ANO9: variants seen among roughly 807,000 people sequenced by gnomAD.
ANO9 encodes anoctamin-9.
Under a neutral mutation model 100.5 loss-of-function variants are expected in ANO9, and 80 were observed. That is an observed-to-expected ratio of 0.80 (90% CI 0.66 to 0.96). The LOEUF (loss-of-function observed/expected upper bound fraction) is 0.96. Ranked by LOEUF, ANO9 falls within the 40% of genes least tolerant of loss-of-function variation. The probability of loss-of-function intolerance (pLI) is 0.00; values close to 1 mark genes in which losing one functional copy is unlikely to be tolerated. For missense variants in ANO9, 1,064 were observed against 1,072.7 expected (o/e 0.99, Z 0.11); for synonymous variants, 473 against 435.6 (o/e 1.09, Z -1.07).
intron 15 of ANO9, among the ~76,000 whole-genome samples, chr11:425,096 G>A (rs1236769042): frequency 0.011 from 15 of 1,404 alleles, 1 homozygote; most frequent in Non-Finnish European, 0.011. Flanking sequence ...AAAAGGCGGC[G>A]TGGAGAGACG....
At chr11:428,252 G>T (rs367837067) in intron 14 of ANO9, 53 bp from the exon 15 acceptor site, 27 of 1,607,750 alleles carry the variant, frequency 1.7e-5, no homozygotes, top group African/African-American at 1.5e-4. Flanking sequence ...GAGGCCCTGG[G>T]GCAGCAGGAA....
chr11:435,870 C>A (rs181744059), intron 1 of ANO9, among the ~76,000 whole-genome samples: 309 of 146,330 alleles, frequency 2.1e-3, no homozygotes, highest in African/African-American at 7.7e-3. Context: ...TCTAGTATAG[C>A]ATAGTATAGC....
chr11:420,928 C>G lies in ANO9; in HGVS notation c.1490+17G>C. 6.3e-7 allele frequency: 1 copy of G among 1,589,198 alleles called. No homozygotes were observed. Among genetic ancestry groups the G allele is most frequent in the Non-Finnish European group, 8.6e-7 (1 of 1,163,156 alleles). On this transcript the variant is annotated intron_variant, in intron 17 of 22. Coordinates refer to ENST00000332826, the MANE Select transcript of ANO9 (RefSeq NM_001012302.3). ...GGGGCCTGGGGCTCCCGGGGCTGGG[C>G]GGGGGTCGGCACTCACGGGACCAGG...
At position 422,691 on chromosome 11, in the gene ANO9, A is replaced by T. The variant is rs932407608; in HGVS notation, c.1335-1493T>A. Reference sequence around the variant, plus strand: ...CCTTAGTTTTCACCCAGTGGGACTCATCTAGGACTTGTGGCCTGCAGAACT... The same window carrying T: ...CCTTAGTTTTCACCCAGTGGGACTCTTCTAGGACTTGTGGCCTGCAGAACT... On this transcript the variant is annotated intron_variant, in intron 15 of 22. Coordinates refer to ENST00000332826, the MANE Select transcript of ANO9 (RefSeq NM_001012302.3). This position sits in a 1 kb window ranked among gnomAD's most constrained non-coding sequence, Gnocchi z 4.3. Among the ~76,000 whole-genome samples the T allele has an allele frequency of 2.0e-5, 3 of 152,220 alleles. No individual in the cohort carries two copies. Among genetic ancestry groups the T allele is most frequent in the Admixed American group, 2.0e-4 (3 of 15,278 alleles).
chr11:441,674 C>T (rs907739695), intron 1 of ANO9, among the ~76,000 whole-genome samples: 18 of 152,208 alleles, frequency 1.2e-4, no homozygotes, highest in African/African-American at 4.3e-4. Context: ...CCCTCAGAAT[C>T]CCGGGCTGGA....
At chr11:430,756 C>T (rs1159464858) in intron 7 of ANO9, among the ~76,000 whole-genome samples, 5 of 66,794 alleles carry the variant, frequency 7.5e-5, no homozygotes, top group Non-Finnish European at 1.2e-4. Context: ...TGTGTGGGGG[C>T]GTTTACAGGA....
In ANO9 at chr11:428,583, G is replaced by A. The variant is rs115389769; in HGVS notation, c.1077C>T (p.Ser359=). The A allele has an allele frequency of 1.1e-4, 175 of 1,612,548 alleles. No homozygotes were observed. The Admixed American group carries it at 2.2e-3, about 20-fold the overall frequency. ...GCACGGCCGAGCTGCTGAAGAGCGC[G>A]GAGGCCAGGACGCGGTAGACCACCA... ...HVLVVYRVLA[S]ALFSSSAVPF... The change falls in exon 13 of 23, where the codon TCC becomes TCT. Residue 359 remains serine, a synonymous_variant. Coordinates refer to ENST00000332826, the MANE Select transcript of ANO9 (RefSeq NM_001012302.3).
At chr11:419,053 G>T (rs757545958) in intron 20 of ANO9, 64 bp from the exon 21 acceptor site, 219 of 1,608,560 alleles carry the variant, frequency 1.4e-4, no homozygotes, top group Non-Finnish European at 1.8e-4. Context: ...TCAGGCCCCA[G>T]AGTGCTTCTA....
At chr11:423,634 A>C (rs112048078) in intron 15 of ANO9, among the ~76,000 whole-genome samples, 2,737 of 152,096 alleles carry the variant, frequency 0.018, 89 homozygotes, top group African/African-American at 0.062. Flanking sequence ...CAGCCTCCCA[A>C]GTAGCTAGGA....
intron 15 of ANO9, among the ~76,000 whole-genome samples, chr11:424,705 G>C (rs1441268179): frequency 6.6e-6 from 1 of 152,142 alleles, no homozygotes; most frequent in Admixed American, 6.6e-5. Flanking sequence ...GGAAACAAGA[G>C]ATAATTAGGG....
chr11:419,168 G>A, intron 20 of ANO9, 179 bp from the exon 21 acceptor site: 1 of 1,435,798 alleles, frequency 7.0e-7, no homozygotes, highest in East Asian at 2.5e-5. Context: ...GGGGCCTTGT[G>A]GGGACTGTGG....
At chr11:437,217 C>T (rs1276266925) in intron 1 of ANO9, among the ~76,000 whole-genome samples, 5 of 152,068 alleles carry the variant, frequency 3.3e-5, no homozygotes, top group African/African-American at 7.3e-5. Context: ...TGAGGTGAGA[C>T]GATTTCATCC....
chr11:418,467 C>T lies in ANO9; in HGVS notation c.2253G>A (p.Arg751=), dbSNP rs764537966. 6.2e-7 allele frequency: 1 copy of T among 1,613,034 alleles called. No homozygotes were observed. The highest frequency in any genetic ancestry group is 8.5e-7 in the Non-Finnish European group (1 of 1,179,998). ...QRLREKMWHG[R]QRLGGVGAGS... ...CTGCCCCCACCCCACCCAGCCTCTG[C>T]CTTCCATGCCACATCTTCTCACGCA... The change falls in exon 23 of 23, where the codon AGG becomes AGA. Residue 751 remains arginine (R), a synonymous_variant. Transcript: ENST00000332826.
rs1357225992 is a variant in ANO9 at position 418,444 on chromosome 11, G to A, written c.2276C>T (p.Ala759Val). 3 of 1,612,620 alleles carry A rather than the reference G, an allele frequency of 1.9e-6. No individual in the cohort carries two copies. Among genetic ancestry groups the A allele is most frequent in the South Asian group, 1.1e-5 (1 of 91,076 alleles). ...GGCAGGCATTGGGGGCCGAGAGCCT[G>A]CCCCCACCCCACCCAGCCTCTGCCT... Reference protein sequence around the residue: ...HGRQRLGGVGAGSRPPMPAHP... With the variant: ...HGRQRLGGVGVGSRPPMPAHP... Residue 759 changes from alanine (A) to valine (V), a missense_variant, in exon 23 of 23, where the codon GCA becomes GTA. Transcript: ENST00000332826.
At chr11:435,741 ATAGTCTAGTATAGTC>A (rs1849466159) in intron 1 of ANO9, among the ~76,000 whole-genome samples, 6 of 151,444 alleles carry the variant, frequency 4.0e-5, no homozygotes, top group South Asian at 4.2e-4. Flanking sequence ...ATAATATGGT[ATAGTCTAGTATAGTC>A]TAGTCTAGTA....
chr11:435,258 G>GTCTA (rs1849369267), intron 1 of ANO9, among the ~76,000 whole-genome samples: 1 of 81,860 alleles, frequency 1.2e-5, no homozygotes. Flanking sequence ...AGTCTAGTAT[G>GTCTA]GTATAGTCTA....
At chr11:429,932 G>A in intron 9 of ANO9, 114 bp from the exon 10 acceptor site, 1 of 1,198,032 alleles carries the variant, frequency 8.3e-7, no homozygotes, top group Non-Finnish European at 1.2e-6. Context: ...CTGAGGAAAT[G>A]GGCGGGTGGG....
intron 4 of ANO9, 186 bp downstream of exon 4, chr11:433,128 A>T: frequency 2.7e-6 from 2 of 733,834 alleles, no homozygotes; most frequent in Non-Finnish European, 4.2e-6. Flanking sequence ...GTGATCCTTT[A>T]ATGGGATGGG....
chr11:439,514 G>C (rs558884708), intron 1 of ANO9, among the ~76,000 whole-genome samples: 97 of 85,250 alleles, frequency 1.1e-3, no homozygotes, highest in African/African-American at 5.6e-3. Context: ...AGCTGTGCAT[G>C]AGAAGGAGCA....
Sources: allele counts gnomAD v4.1 joint callset (sites outside exome capture counted in the v4.1 genomes callset), GRCh38; gene constraint gnomAD v4.1.1; non-coding constraint Gnocchi (gnomAD v3.1); transcripts MANE v1.5; gene names NCBI Gene and HGNC (gene_info 2026-07-23, HGNC 2026-07-21).